Variants in ANKHD1 observed in about 807,000 individuals in gnomAD.
ANKHD1 encodes ankyrin repeat and KH domain containing 1.
In ANKHD1, 31 loss-of-function variants were observed where a neutral mutation model predicts 230.5. That is an observed-to-expected ratio of 0.13 (90% confidence interval 0.10 to 0.18). The LOEUF (loss-of-function observed/expected upper bound fraction) is 0.18, where lower values mean the gene tolerates loss of function less well. ANKHD1 is among the 10% of genes least tolerant of loss of function. The pLI is 1.00. For synonymous variants in ANKHD1, 1,074 were observed against 1,117.6 expected (o/e 0.96, Z 0.78); for missense variants, 2,256 against 3,071.3 (o/e 0.73, Z 6.27).
At chr5:140,436,561 A>G (rs1039168600) in intron 2 of ANKHD1, among the ~76,000 whole-genome samples, 2 of 152,136 alleles carry the variant, frequency 1.3e-5, no homozygotes, top group Non-Finnish European at 2.9e-5. Flanking sequence ...CCTGGGCAAC[A>G]TGATGAAACC....
chr5:140,427,619 C>G (rs1164590186), intron 1 of ANKHD1, among the ~76,000 whole-genome samples: 1 of 146,948 alleles, frequency 6.8e-6, no homozygotes, highest in Non-Finnish European at 1.5e-5. Context: ...ACCTCCCTCC[C>G]GGACGGGGCG....
chr5:140,523,076 G>GT lies in ANKHD1; in HGVS notation c.4318-979dup, dbSNP rs561647520. On this transcript the variant is annotated intron_variant, in intron 24 of 33. Coordinates refer to ENST00000360839, the MANE Select transcript of ANKHD1 (RefSeq NM_017747.3). ...GTGTATATTTAAAATGTATAACTTG[G>GT]TTTTTTTTTTTAATTAATTTTTTTC... Among the ~76,000 whole-genome samples, 76 of 93,854 alleles carry GT rather than the reference G, an allele frequency of 8.1e-4. No homozygotes were observed. The East Asian group carries it at 9.6e-3, about 12-fold the overall frequency. 61.6% of individuals were successfully genotyped at this position (93,854 alleles called of 152,430 possible).
Position 140,414,527 on chromosome 5 carries a change from A to G in ANKHD1, c.306+12254A>G, listed in dbSNP as rs538538014. ...AAATGTCTATTCAAATCCATTGTAC[A>G]TTTAAAAAGAAATTGTATTGCCGAT... On this transcript the variant is annotated intron_variant, in intron 1 of 33. Transcript: ENST00000360839. Among the ~76,000 whole-genome samples the G allele has an allele frequency of 1.8e-4, 27 of 152,270 alleles. No individual in the cohort carries two copies. The East Asian group carries it at 4.8e-3, about 27-fold the overall frequency.
chr5:140,537,021 C>CAA (rs753247443), intron 30 of ANKHD1: 54 of 73,312 alleles, frequency 7.4e-4, no homozygotes, highest in Non-Finnish European at 9.0e-4. Context: ...AATTCCGTCT[C>CAA]AAAAAAAAAA....
chr5:140,429,457 A>C (rs1772849144), intron 1 of ANKHD1, among the ~76,000 whole-genome samples: 1 of 152,088 alleles, frequency 6.6e-6, no homozygotes, highest in Non-Finnish European at 1.5e-5. Context: ...TGACTCTCTA[A>C]CTCAAAATAT....
chr5:140,423,388 A>G lies in ANKHD1; in HGVS notation c.307-12716A>G, dbSNP rs114023967. ...TGTTAGTTGGATGATCACTCTAAAGATTGATATTTGAGTGTCTTGCTTCAG... is the reference window on the plus strand; with the variant it reads ...TGTTAGTTGGATGATCACTCTAAAGGTTGATATTTGAGTGTCTTGCTTCAG... On this transcript the variant is annotated intron_variant, in intron 1 of 33. Transcript: ENST00000360839. Among the ~76,000 whole-genome samples the G allele has an allele frequency of 8.5e-3, 1,296 of 152,260 alleles. 13 individuals carry two copies. The highest frequency in any genetic ancestry group is 0.029 in the African/African-American group (1,223 of 41,534).
intron 22 of ANKHD1, 135 bp from the exon 23 acceptor site, chr5:140,512,693 A>T (rs1752823006): frequency 1.5e-6 from 1 of 665,786 alleles, no homozygotes; most frequent in Non-Finnish European, 2.4e-6. Context: ...TTGCCTTTTT[A>T]TTCTTAAATT....
At chr5:140,535,129 A>G (rs1754014196) in intron 29 of ANKHD1, among the ~76,000 whole-genome samples, 2 of 152,192 alleles carry the variant, frequency 1.3e-5, no homozygotes, top group Admixed American at 1.3e-4. Flanking sequence ...ATTTTCCTGT[A>G]TCTAGTGCTG....
intron 24 of ANKHD1, among the ~76,000 whole-genome samples, chr5:140,520,260 A>C (rs1414573764): frequency 1.3e-5 from 2 of 152,154 alleles, no homozygotes; most frequent in East Asian, 3.9e-4. Flanking sequence ...AATGGCGATC[A>C]TTAAAAAGTC....
chr5:140,471,849 A>C (rs879569505), intron 10 of ANKHD1, among the ~76,000 whole-genome samples: 62 of 152,324 alleles, frequency 4.1e-4, no homozygotes, highest in African/African-American at 1.5e-3. Flanking sequence ...TTTATCTTAC[A>C]GTATTTTCCT....
intron 1 of ANKHD1, among the ~76,000 whole-genome samples, chr5:140,422,417 A>T (rs1772055140): frequency 6.6e-6 from 1 of 151,938 alleles, no homozygotes. Flanking sequence ...CAGCCACCAC[A>T]CCTGGCCTAG....
Position 140,510,030 on chromosome 5 carries a change from T to C in ANKHD1, c.3953T>C (p.Ile1318Thr), listed in dbSNP as rs1242705025. ...CELLIHRGAH[I>T]DVRNKKGNTP... The stretch of plus-strand genomic sequence containing the variant: ...TGCCTTGTTTACAGGGGAGCCCACA[T>C]TGATGTTCGTAACAAAAAGGGAAAT... Residue 1318 changes from isoleucine to threonine, a missense_variant, in exon 22 of 34, where the codon ATT (isoleucine) becomes ACT (threonine). Coordinates refer to ENST00000360839, the MANE Select transcript of ANKHD1 (RefSeq NM_017747.3). 25 of 1,613,332 alleles carry C rather than the reference T, an allele frequency of 1.5e-5. No individual in the cohort carries two copies. Among genetic ancestry groups the C allele is most frequent in the African/African-American group, 2.7e-5 (2 of 74,920 alleles).
At chr5:140,447,118 A>G (rs1001246619) in intron 6 of ANKHD1, among the ~76,000 whole-genome samples, 5 of 151,874 alleles carry the variant, frequency 3.3e-5, no homozygotes, top group Admixed American at 1.3e-4. Flanking sequence ...CATATTAGTC[A>G]GTCTGGTCTC....
rs1166590601 is a variant in ANKHD1, at chr5:140,505,820, G to A, written c.3359G>A (p.Arg1120Gln). The A allele has an allele frequency of 3.7e-6, 6 of 1,610,484 alleles. No individual in the cohort carries two copies. Among genetic ancestry groups the A allele is most frequent in the East Asian group, 2.2e-5 (1 of 44,482 alleles). ...GGAGATATAGAAGCACAGTCTGAACGAACTAAGGATACTCCGCTTTCATTG... is the reference window on the plus strand; with the variant it reads ...GGAGATATAGAAGCACAGTCTGAACAAACTAAGGATACTCCGCTTTCATTG... Reference protein sequence around the residue: ...KGGDIEAQSERTKDTPLSLAC... With the variant: ...KGGDIEAQSEQTKDTPLSLAC... Residue 1120 changes from arginine (R) to glutamine (Q), a missense_variant, in exon 18 of 34, where the codon CGA (arginine) becomes CAA (glutamine). Physicochemically the swap from Arg to Gln is conservative, Grantham distance 43. This residue lies in a region of ANKHD1 where 63 missense variants were observed against 125.5 expected (regional missense o/e 0.50). Coordinates refer to ENST00000360839, the MANE Select transcript of ANKHD1 (RefSeq NM_017747.3).
chr5:140,419,778 CTT>C (rs1290415107), intron 1 of ANKHD1, among the ~76,000 whole-genome samples: 3 of 13,680 alleles, frequency 2.2e-4, no homozygotes, highest in East Asian at 1.4e-3. Flanking sequence ...CTTTCTTTTT[CTT>C]TCTTTCTTTC....
At position 140,524,164 on chromosome 5, in the gene ANKHD1, A is replaced by C; in HGVS notation, c.4416A>C (p.Glu1472Asp). The change falls in exon 25 of 34, where the codon GAA (glutamate) becomes GAC (aspartate). Residue 1472 changes from glutamate (E) to aspartate (D), a missense_variant. Physicochemically the swap from Glu to Asp is conservative, Grantham distance 45. Around this residue, in one of 13 missense-constraint regions of ANKHD1, gnomAD observed 195 missense variants for 340.3 expected, o/e 0.57. Coordinates refer to ENST00000360839, the MANE Select transcript of ANKHD1 (RefSeq NM_017747.3). ...AAGAGGAACAGAAAAGGAAACAGGAAGAAGATGAAGAAAACAAACCTAAGG... is the reference window on the plus strand; with the variant it reads ...AAGAGGAACAGAAAAGGAAACAGGACGAAGATGAAGAAAACAAACCTAAGG... The part of the protein sequence containing the change: ...KKKEEQKRKQ[E>D]EDEENKPKEN... 6.2e-7 allele frequency: 1 copy of C among 1,600,718 alleles called. No homozygotes were observed. Among genetic ancestry groups the C allele is most frequent in the South Asian group, 1.2e-5 (1 of 86,846 alleles).
chr5:140,451,023 G>A (rs1774695236), intron 7 of ANKHD1, among the ~76,000 whole-genome samples: 1 of 151,942 alleles, frequency 6.6e-6, no homozygotes. Context: ...GTGGTAGTGT[G>A]CACCTGTAAT....
intron 1 of ANKHD1, among the ~76,000 whole-genome samples, chr5:140,407,194 C>T (rs1418051001): frequency 1.4e-5 from 2 of 147,530 alleles, no homozygotes; most frequent in Non-Finnish European, 3.0e-5. Flanking sequence ...ACTCAGGAGG[C>T]TGAGGCAGGA....
At chr5:140,496,469 T>TTC in intron 14 of ANKHD1, 51 bp from the exon 15 acceptor site, 1 of 1,064,220 alleles carries the variant, frequency 9.4e-7, no homozygotes, top group Non-Finnish European at 1.2e-6. Context: ...TTCTTTTTTT[T>TTC]TTTTTTTTTT....
Sources: allele counts gnomAD v4.1 joint callset (sites outside exome capture counted in the v4.1 genomes callset), GRCh38; gene constraint gnomAD v4.1.1; regional missense constraint gnomAD v4.1.1; transcripts MANE v1.5; gene names NCBI Gene and HGNC (gene_info 2026-07-23, HGNC 2026-07-21).